FAM91A1: variants seen among roughly 807,000 people sequenced by gnomAD.
FAM91A1 encodes the protein protein FAM91A1.
FAM91A1 carries 41 observed loss-of-function variants against 113.5 expected under a neutral mutation model. That is an observed-to-expected ratio of 0.36 (90% CI 0.28 to 0.47). The LOEUF is 0.47. FAM91A1 is among the 20% of genes least tolerant of loss of function. The pLI, the probability that FAM91A1 is intolerant of heterozygous loss-of-function variation, is 1.00. For synonymous variants in FAM91A1, 307 were observed against 347.9 expected (o/e 0.88, Z 1.31); for missense variants, 696 against 1,001.2 (o/e 0.70, Z 4.11).
chr8:123,775,397 TG>T lies in FAM91A1; in HGVS notation c.309+101del, dbSNP rs1003624312. 3.5e-5 allele frequency: 49 copies of T among 1,399,548 alleles called. No homozygotes were observed. In the African/African-American group the frequency reaches 6.3e-4, roughly 18 times the overall value. 86.7% of individuals were successfully genotyped at this position (1,399,548 alleles called of 1,614,324 possible). A position where few individuals can be genotyped will look rare whatever the true frequency, so the allele number is the denominator to read the frequency against. ...CCAGCTCTTCAGCTGTCGTCTGCGG[TG>T]GACACTCTTTCAGAACTTATAGTGT... On this transcript the variant is annotated intron_variant, in intron 3 of 23. Transcript: ENST00000334705.
At chr8:123,802,095 G>C (rs1815699165) in intron 18 of FAM91A1, among the ~76,000 whole-genome samples, 1 of 152,098 alleles carries the variant, frequency 6.6e-6, no homozygotes, top group African/African-American at 2.4e-5. Flanking sequence ...CAATTACAGG[G>C]GGGTAACAGG....
chr8:123,812,492 C>G, intron 23 of FAM91A1, 27 bp from the exon 24 acceptor site: 3 of 1,543,726 alleles, frequency 1.9e-6, no homozygotes, highest in Non-Finnish European at 2.6e-6. Context: ...TGTTGAATAT[C>G]ATTTCTCTTG....
intron 11 of FAM91A1, chr8:123,786,063 C>T (rs1470305892): frequency 2.9e-6 from 1 of 350,018 alleles, no homozygotes; most frequent in Admixed American, 3.6e-5. Flanking sequence ...AACTGATCCA[C>T]CCACCTTGGC....
rs115686966 is a variant in FAM91A1 at position 123,797,700 on chromosome 8, G to A, written c.1412-390G>A. ...TCAGCAGTAGGCTATTAGTAGTTAA[G>A]TCATTGGGAAGTCTGAAGTTATATA... is the stretch of plus-strand genomic sequence containing the variant. On this transcript the variant is annotated intron_variant, in intron 15 of 23. Transcript: ENST00000334705. 3.5e-3 allele frequency among the ~76,000 whole-genome samples: 540 copies of A among 152,330 alleles called. 2 individuals are homozygous for A. Among genetic ancestry groups the A allele is most frequent in the African/African-American group, 0.011 (460 of 41,570 alleles).
At chr8:123,797,989 A>G (rs1815572930) in intron 15 of FAM91A1, 101 bp from the exon 16 acceptor site, 29 of 1,363,380 alleles carry the variant, frequency 2.1e-5, no homozygotes, top group Middle Eastern at 2.7e-4. Context: ...CCTTAAAAAG[A>G]AAATTTAAAA....
Position 123,812,592 on chromosome 8 carries a change from A to C in FAM91A1, c.2405A>C (p.Asp802Ala). ...SSLLSQSSCADMGVPLPAKNL... is the reference protein window; with the variant it reads ...SSLLSQSSCAAMGVPLPAKNL... ...TTGCTTTCACAGTCATCGTGTGCTGACATGGGTGTTCCACTTCCTGCAAAA... is the reference window on the plus strand; with the variant it reads ...TTGCTTTCACAGTCATCGTGTGCTGCCATGGGTGTTCCACTTCCTGCAAAA... The change falls in exon 24 of 24, where the codon GAC becomes GCC. Residue 802 changes from aspartate (D) to alanine (A), a missense_variant. Physicochemically the swap from Asp to Ala is moderately radical, Grantham distance 126 (BLOSUM62 -2). Coordinates refer to ENST00000334705, the MANE Select transcript of FAM91A1 (RefSeq NM_144963.4). 6.2e-7 allele frequency: 1 copy of C among 1,611,978 alleles called. No individual in the cohort carries two copies. The highest frequency in any genetic ancestry group is 8.5e-7 in the Non-Finnish European group (1 of 1,179,056).
At chr8:123,805,940 A>T in intron 19 of FAM91A1, 140 bp from the exon 20 acceptor site, 1 of 755,470 alleles carries the variant, frequency 1.3e-6, no homozygotes, top group Non-Finnish European at 1.9e-6. Context: ...TGACAACTTT[A>T]TATATTTCTT....
In FAM91A1 at chr8:123,779,987, A is replaced by G. The variant is rs757695757; in HGVS notation, c.552A>G (p.Ile184Met). Residue 184 changes from isoleucine (I) to methionine (M), a missense_variant and splice_region_variant, in exon 7 of 24, where the codon ATA (isoleucine) becomes ATG (methionine). Transcript: ENST00000334705. ...TAAAAATATTTTGCTTTTCTTAGAT[A>G]TGCACTTTGCCTGAGAAATGCGCTG... is the stretch of plus-strand genomic sequence containing the variant. ...AGYITEDDIKICTLPEKCAVD... is the reference protein window; with the variant it reads ...AGYITEDDIKMCTLPEKCAVD... 2.5e-6 allele frequency: 4 copies of G among 1,612,638 alleles called. No homozygotes were observed. The Admixed American group carries it at 5.0e-5, about 20-fold the overall frequency.
chr8:123,796,367 A>G (rs1815520157), intron 15 of FAM91A1, among the ~76,000 whole-genome samples: 2 of 152,008 alleles, frequency 1.3e-5, no homozygotes, highest in South Asian at 4.2e-4. Flanking sequence ...AACTGTCTAG[A>G]TGTTGTACCT....
At chr8:123,779,845 T>A (rs547997914) in intron 6 of FAM91A1, 140 bp from the exon 7 acceptor site, 1 of 639,716 alleles carries the variant, frequency 1.6e-6, no homozygotes, top group South Asian at 2.9e-5. Context: ...CAGTTTTTTG[T>A]TTGAATTATA....
chr8:123,789,150 A>G (rs1472910048), intron 14 of FAM91A1, among the ~76,000 whole-genome samples: 2 of 152,162 alleles, frequency 1.3e-5, no homozygotes, highest in Admixed American at 1.3e-4. Context: ...ATCTTTGTTG[A>G]GTGAATTTAA....
chr8:123,803,291 C>T (rs1815731664), intron 18 of FAM91A1, among the ~76,000 whole-genome samples: 1 of 149,990 alleles, frequency 6.7e-6, no homozygotes, highest in Non-Finnish European at 1.5e-5. Context: ...AAAAACAAAT[C>T]AGCAGACAGT....
chr8:123,789,786 A>C (rs1322937518), intron 15 of FAM91A1, 41 bp downstream of exon 15: 11 of 1,593,732 alleles, frequency 6.9e-6, no homozygotes, highest in Non-Finnish European at 9.4e-6. Flanking sequence ...TGATCATATG[A>C]AACTTTTTTC....
intron 1 of FAM91A1, among the ~76,000 whole-genome samples, chr8:123,772,466 A>G (rs1814874198): frequency 6.6e-6 from 1 of 151,870 alleles, no homozygotes; most frequent in African/African-American, 2.4e-5. Context: ...TACGAAGAGG[A>G]TGGTAGAGTA....
chr8:123,812,436 C>T lies in FAM91A1; in HGVS notation c.2332-83C>T. 5 of 1,227,182 alleles carry T rather than the reference C, an allele frequency of 4.1e-6. No individual in the cohort carries two copies. In the South Asian group the frequency reaches 4.7e-5, roughly 12 times the overall value. 76.0% of individuals were successfully genotyped at this position (1,227,182 alleles called of 1,614,324 possible). On this transcript the variant is annotated intron_variant, in intron 23 of 23. Coordinates refer to ENST00000334705, the MANE Select transcript of FAM91A1 (RefSeq NM_144963.4). ...AATCCATAAACACTTCTCAGGTAAT[C>T]AAGGTCTCTCTTTCTCATTAGTTAT...
Position 123,768,465 on chromosome 8 carries a change from A to G in FAM91A1, c.-238A>G, listed in dbSNP as rs1586362243. On this transcript the variant is annotated 5_prime_UTR_variant, in exon 1 of 24. Coordinates refer to ENST00000334705, the MANE Select transcript of FAM91A1 (RefSeq NM_144963.4). The stretch of plus-strand genomic sequence containing the variant: ...GAGCCATTTCCGGCGGCCCGAAACT[A>G]GGAAGAAACTTGGAGCTGTTCAGGC... 1 of 434,436 alleles carries G rather than the reference A, an allele frequency of 2.3e-6. No individual in the cohort carries two copies. The highest frequency in any genetic ancestry group is 4.6e-5 in the South Asian group (1 of 21,600). 26.9% of individuals were successfully genotyped at this position (434,436 alleles called of 1,614,324 possible).
intron 14 of FAM91A1, among the ~76,000 whole-genome samples, chr8:123,788,588 C>G (rs1365099309): frequency 6.6e-6 from 1 of 151,986 alleles, no homozygotes; most frequent in Admixed American, 6.6e-5. Context: ...GTCTCTTTTA[C>G]TTTTACCTTT....
chr8:123,777,559 T>C (rs920330693), intron 4 of FAM91A1, among the ~76,000 whole-genome samples: 3 of 152,226 alleles, frequency 2.0e-5, no homozygotes, highest in African/African-American at 7.2e-5. Context: ...AAGACTAATC[T>C]ATATATTTCC....
chr8:123,797,981 T>C lies in FAM91A1; in HGVS notation c.1412-109T>C. The C allele has an allele frequency of 6.0e-6, 8 of 1,325,550 alleles. No homozygotes were observed. The South Asian group carries it at 1.2e-4, about 19-fold the overall frequency. 82.1% of individuals were successfully genotyped at this position (1,325,550 alleles called of 1,614,324 possible). On this transcript the variant is annotated intron_variant, in intron 15 of 23. Coordinates refer to ENST00000334705, the MANE Select transcript of FAM91A1 (RefSeq NM_144963.4). The stretch of plus-strand genomic sequence containing the variant: ...TACTTCTTAATAGAGTTACTTTACC[T>C]TAAAAAGAAAATTTAAAATCTTAAG...
Sources: allele counts gnomAD v4.1 joint callset (sites outside exome capture counted in the v4.1 genomes callset), GRCh38; gene constraint gnomAD v4.1.1; transcripts MANE v1.5; gene names NCBI Gene and HGNC (gene_info 2026-07-23, HGNC 2026-07-21).